Variants in CSMD1 observed in about 807,000 individuals in gnomAD.
CSMD1 encodes the protein CUB and sushi domain-containing protein 1.
CSMD1 carries 213 observed loss-of-function variants against 417.5 expected under a neutral mutation model. The ratio of observed to expected loss-of-function variants is 0.51; its 90% CI spans 0.46 to 0.57. The LOEUF is 0.57. CSMD1 is among the 20% of genes least tolerant of loss of function. CSMD1 has a pLI of 0.00. For synonymous variants in CSMD1, 2,862 were observed against 1,736.8 expected, an observed-to-expected ratio of 1.65 and a Z score of -16.11; for missense variants, 6,923 against 4,529.7, an observed-to-expected ratio of 1.53 and a Z score of -15.17.
At chr8:3,003,301 T>G (rs1239598859) in intron 52 of CSMD1, among the ~76,000 whole-genome samples, 1 of 152,232 alleles carries the variant, frequency 6.6e-6, no homozygotes. Flanking sequence ...ATGATAGTAT[T>G]ATTCTATATG....
At chr8:3,091,778 A>T in intron 47 of CSMD1, 116 bp from the exon 48 acceptor site, 1 of 814,076 alleles carries the variant, frequency 1.2e-6, no homozygotes, top group Non-Finnish European at 1.8e-6. Context: ...AGATATAATT[A>T]TTACAAAAGT....
chr8:4,441,418 A>T (rs1798475963), intron 2 of CSMD1, among the ~76,000 whole-genome samples: 1 of 151,746 alleles, frequency 6.6e-6, no homozygotes, highest in Admixed American at 6.6e-5. Flanking sequence ...CAGCCCCAGA[A>T]GTCATCTTTA....
intron 2 of CSMD1, among the ~76,000 whole-genome samples, chr8:4,609,525 T>C (rs1801056666): frequency 6.6e-6 from 1 of 152,224 alleles, no homozygotes; most frequent in South Asian, 2.1e-4. Context: ...TAAACAACAC[T>C]ATGCTTTCTT....
intron 39 of CSMD1, 109 bp from the exon 40 acceptor site, chr8:3,151,622 T>A (rs1819201925): frequency 4.4e-6 from 3 of 677,858 alleles, no homozygotes; most frequent in Admixed American, 4.9e-5. Flanking sequence ...TCTTCGGAGT[T>A]AATTCTGCCC....
intron 2 of CSMD1, among the ~76,000 whole-genome samples, chr8:4,574,214 T>A (rs1328545208): frequency 6.6e-6 from 1 of 152,132 alleles, no homozygotes; most frequent in Non-Finnish European, 1.5e-5. Context: ...TCTGAACAGC[T>A]GCCGAGTTTT....
chr8:4,975,510 G>A (rs1369253836), intron 1 of CSMD1, among the ~76,000 whole-genome samples: 5 of 152,234 alleles, frequency 3.3e-5, no homozygotes, highest in Non-Finnish European at 7.4e-5. Flanking sequence ...AAAGCAAAAG[G>A]CCAAATCACT....
chr8:3,439,901 C>T (rs987961861), intron 12 of CSMD1, among the ~76,000 whole-genome samples: 2 of 152,168 alleles, frequency 1.3e-5, no homozygotes, highest in African/African-American at 4.8e-5. Flanking sequence ...GAGCCATTCA[C>T]TGAAAAGACT....
chr8:3,748,164 ATC>A (rs1563336769), intron 6 of CSMD1, among the ~76,000 whole-genome samples: 1 of 152,204 alleles, frequency 6.6e-6, no homozygotes, highest in Non-Finnish European at 1.5e-5. Context: ...CTTTACAAGA[ATC>A]TTTTGTTCTG....
At chr8:4,093,474 A>G (rs949662736) in intron 3 of CSMD1, among the ~76,000 whole-genome samples, 2 of 152,242 alleles carry the variant, frequency 1.3e-5, no homozygotes, top group South Asian at 2.1e-4. Flanking sequence ...GATATTAAAT[A>G]GAAGTTACAT....
At chr8:3,097,624 T>A (rs969219837) in intron 46 of CSMD1, among the ~76,000 whole-genome samples, 3 of 152,314 alleles carry the variant, frequency 2.0e-5, no homozygotes, top group East Asian at 1.9e-4. Flanking sequence ...CCGGGGATGA[T>A]GACAGATTTC....
intron 4 of CSMD1, among the ~76,000 whole-genome samples, chr8:4,030,750 T>A (rs1028732675): frequency 2.0e-5 from 3 of 152,178 alleles, no homozygotes; most frequent in South Asian, 2.1e-4. Flanking sequence ...TTCTATCACA[T>A]TGTCAGACTG....
chr8:4,553,606 T>A (rs1288505096), intron 2 of CSMD1, among the ~76,000 whole-genome samples: 2 of 152,182 alleles, frequency 1.3e-5, no homozygotes, highest in Admixed American at 1.3e-4. Flanking sequence ...ATCTAGCACT[T>A]TAGAAACCAG....
chr8:2,944,455 A>G (rs746224849), intron 68 of CSMD1, among the ~76,000 whole-genome samples: 2 of 152,198 alleles, frequency 1.3e-5, no homozygotes, highest in Non-Finnish European at 2.9e-5. Flanking sequence ...GATGGCACCA[A>G]CTTCATGGGT....
chr8:3,773,076 T>C (rs1430724349), intron 5 of CSMD1, among the ~76,000 whole-genome samples: 3 of 152,148 alleles, frequency 2.0e-5, no homozygotes, highest in Non-Finnish European at 4.4e-5. Flanking sequence ...GCCTCTTCTA[T>C]AAGGACACTA....
chr8:4,230,155 T>C (rs1057075967), intron 3 of CSMD1, among the ~76,000 whole-genome samples: 2 of 152,226 alleles, frequency 1.3e-5, no homozygotes, highest in Non-Finnish European at 2.9e-5. Flanking sequence ...ATTGCAGTGC[T>C]GGGTATGTTT....
chr8:3,357,737 G>A lies in CSMD1; in HGVS notation c.3304+1415C>T, dbSNP rs548735787. On this transcript the variant is annotated intron_variant, in intron 21 of 69. Transcript: ENST00000635120. ...AGTCTTTAGACTCCAACCAATTCTG[G>A]GAACTCCTATGATCACCTGCAAAAT... 9.9e-5 allele frequency among the ~76,000 whole-genome samples: 15 copies of A among 152,072 alleles called. No homozygotes were observed. In the East Asian group the frequency reaches 1.5e-3, roughly 16 times the overall value.
chr8:4,657,785 C>T (rs1369687244), intron 1 of CSMD1, among the ~76,000 whole-genome samples: 1 of 149,880 alleles, frequency 6.7e-6, no homozygotes, highest in African/African-American at 2.4e-5. Context: ...AGACTTAAAC[C>T]TACTGTTTAA....
intron 5 of CSMD1, among the ~76,000 whole-genome samples, chr8:3,937,217 T>C (rs973235511): frequency 6.6e-6 from 1 of 152,162 alleles, no homozygotes; most frequent in African/African-American, 2.4e-5. Context: ...CAACAAAAGA[T>C]TGTGATTATT....
chr8:3,998,799 A>G (rs1233289052), intron 4 of CSMD1, among the ~76,000 whole-genome samples: 1 of 151,542 alleles, frequency 6.6e-6, no homozygotes, highest in Non-Finnish European at 1.5e-5. Context: ...TTTGCTATAG[A>G]GTAAAAAAGC....
Sources: allele counts gnomAD v4.1 joint callset (sites outside exome capture counted in the v4.1 genomes callset), GRCh38; gene constraint gnomAD v4.1.1; transcripts MANE v1.5; gene names NCBI Gene and HGNC (gene_info 2026-07-23, HGNC 2026-07-21).